WDHD1: variants seen among roughly 807,000 people sequenced by gnomAD.
WDHD1 encodes the protein WD repeat and HMG-box DNA binding protein 1, also known as WD repeat and HMG-box DNA-binding protein 1.
In WDHD1, 111 loss-of-function variants were observed where a neutral mutation model predicts 135.4. That is an observed-to-expected ratio of 0.82 (90% CI 0.70 to 0.96). The LOEUF is 0.96. Ranked by LOEUF, WDHD1 falls within the 40% of genes least tolerant of loss-of-function variation. The probability of loss-of-function intolerance (pLI) is 0.00; values close to 1 mark genes in which losing one functional copy is unlikely to be tolerated. For synonymous variants in WDHD1, 434 were observed against 439.0 expected (o/e 0.99, Z 0.14); for missense variants, 1,351 against 1,336.3 (o/e 1.01, Z -0.17).
intron 2 of WDHD1, among the ~76,000 whole-genome samples, chr14:55,022,460 T>C (rs1178233826): frequency 6.6e-6 from 1 of 152,124 alleles, no homozygotes. Context: ...TAGGGCACTT[T>C]AGTCTACATT....
At chr14:54,998,451 C>T (rs1434308212) in intron 10 of WDHD1, among the ~76,000 whole-genome samples, 2 of 151,948 alleles carry the variant, frequency 1.3e-5, no homozygotes, top group Admixed American at 6.6e-5. Context: ...TCTTAATTCA[C>T]TTTTTGTTTT....
chr14:54,961,984 A>G (rs1032542320), intron 21 of WDHD1, among the ~76,000 whole-genome samples: 1 of 151,938 alleles, frequency 6.6e-6, no homozygotes, highest in Non-Finnish European at 1.5e-5. Context: ...TTACAGGCAC[A>G]TACCACCACC....
At chr14:54,995,386 G>C (rs1316837264) in intron 11 of WDHD1, among the ~76,000 whole-genome samples, 1 of 143,058 alleles carries the variant, frequency 7.0e-6, no homozygotes, top group Non-Finnish European at 1.5e-5. Flanking sequence ...CCTTCCATTT[G>C]CTTGGGGTTT....
In WDHD1 at chr14:54,939,314, C is replaced by T. The variant is rs2040807173; in HGVS notation, c.*2176G>A. On this transcript the variant is annotated 3_prime_UTR_variant, in exon 26 of 26. Transcript: ENST00000360586. Reference sequence around the variant, plus strand: ...GTTCCATGTTAGTGACAGTGACTCACCCCAGGTTGCTGCACAGATATGAGA... The same window carrying T: ...GTTCCATGTTAGTGACAGTGACTCATCCCAGGTTGCTGCACAGATATGAGA... 1 of 152,160 alleles carries T rather than the reference C, an allele frequency of 6.6e-6. No individual in the cohort carries two copies. The highest frequency in any genetic ancestry group is 1.5e-5 in the Non-Finnish European group (1 of 68,042). 9.4% of individuals were successfully genotyped at this position (152,160 alleles called of 1,614,324 possible).
intron 4 of WDHD1, among the ~76,000 whole-genome samples, chr14:55,009,037 C>T (rs142787454): frequency 0.011 from 1,726 of 152,148 alleles, 18 homozygotes; most frequent in Middle Eastern, 0.027. Flanking sequence ...CCTTGTGATC[C>T]GCCCACCTCA....
chr14:54,953,147 CT>C (rs1566707071), intron 24 of WDHD1, among the ~76,000 whole-genome samples: 2 of 152,134 alleles, frequency 1.3e-5, no homozygotes, highest in Non-Finnish European at 2.9e-5. Context: ...AACTAAAGAG[CT>C]TCTGCACAGC....
chr14:54,974,550 C>T (rs1465687121), intron 16 of WDHD1, among the ~76,000 whole-genome samples: 1 of 149,690 alleles, frequency 6.7e-6, no homozygotes, highest in Non-Finnish European at 1.5e-5. Flanking sequence ...AATAATCAGG[C>T]GTGGTGGCTC....
chr14:54,972,585 A>AAAAAAAAAAAAAAAC (rs2041457560), intron 16 of WDHD1, among the ~76,000 whole-genome samples: 1 of 74,108 alleles, frequency 1.3e-5, no homozygotes, highest in Non-Finnish European at 2.4e-5. Flanking sequence ...AAAAAAAAAA[A>AAAAAAAAAAAAAAAC]AAAAATGCCA....
chr14:54,985,049 T>G (rs1198367778), intron 14 of WDHD1, among the ~76,000 whole-genome samples, 189 bp from the exon 15 acceptor site: 1 of 152,204 alleles, frequency 6.6e-6, no homozygotes. Context: ...CATGGACTCT[T>G]CACATAAAGT....
At chr14:55,001,564 C>T (rs1360675059) in intron 8 of WDHD1, among the ~76,000 whole-genome samples, 2 of 152,184 alleles carry the variant, frequency 1.3e-5, no homozygotes, top group African/African-American at 2.4e-5. Flanking sequence ...TGCCCAGCCA[C>T]TGGCACAATT....
At chr14:55,016,942 A>G (rs563365975) in intron 2 of WDHD1, among the ~76,000 whole-genome samples, 4 of 152,334 alleles carry the variant, frequency 2.6e-5, no homozygotes, top group Admixed American at 1.3e-4. Context: ...AGACAGCAAA[A>G]GAACTTTCAA....
chr14:54,947,343 A>C (rs2040944787), intron 24 of WDHD1, among the ~76,000 whole-genome samples: 2 of 152,204 alleles, frequency 1.3e-5, no homozygotes, highest in Middle Eastern at 3.4e-3. Flanking sequence ...AAAAAGTGTT[A>C]AGCGGAAAAA....
intron 23 of WDHD1, among the ~76,000 whole-genome samples, chr14:54,955,895 C>CT (rs71131243): frequency 0.067 from 7,328 of 110,044 alleles, 449 homozygotes; most frequent in South Asian, 0.12. Flanking sequence ...CCATGTTTTC[C>CT]TTTTTTTTTT....
At chr14:55,007,245 A>AGAAAAG in intron 7 of WDHD1, 35 bp downstream of exon 7, 1 of 1,478,978 alleles carries the variant, frequency 6.8e-7, no homozygotes, top group Non-Finnish European at 9.1e-7. Context: ...AAAAAAAAAA[A>AGAAAAG]AAAAGAAAAG....
In WDHD1 at chr14:54,995,793, C is replaced by A; in HGVS notation, c.963G>T (p.Lys321Asn). The A allele has an allele frequency of 6.2e-7, 1 of 1,601,682 alleles. No homozygotes were observed. The highest frequency in any genetic ancestry group is 1.1e-5 in the South Asian group (1 of 89,166). ...SSSKVSSRVE[K>N]DYNDLFDGDD... The stretch of plus-strand genomic sequence containing the variant: ...CTCCATCAAAAAGATCATTATAATC[C>A]TTTTCCACTCTGCTAGATACCTTGA... Residue 321 changes from lysine (K) to asparagine (N), a missense_variant, in exon 11 of 26, where the codon AAG (lysine) becomes AAT (asparagine). Lys to Asn is a moderately conservative substitution (Grantham distance 94). Coordinates refer to ENST00000360586, the MANE Select transcript of WDHD1 (RefSeq NM_007086.4).
At chr14:54,953,905 A>T (rs2041106440) in intron 24 of WDHD1, among the ~76,000 whole-genome samples, 2 of 152,176 alleles carry the variant, frequency 1.3e-5, no homozygotes, top group Admixed American at 1.3e-4. Flanking sequence ...TCTCACTCAT[A>T]GGTGAGAACT....
rs753163628 is a variant in WDHD1, at chr14:54,957,605, A to G, written c.2732T>C (p.Val911Ala). 6.2e-7 allele frequency: 1 copy of G among 1,606,228 alleles called. No homozygotes were observed. The highest frequency in any genetic ancestry group is 8.5e-7 in the Non-Finnish European group (1 of 1,178,016). ...GAVTFSSQGR[V>A]NPFKVSASSK... The stretch of plus-strand genomic sequence containing the variant: ...GGAAGAGTTTACCTTAAAGGGATTT[A>G]CTCGTCCTTGGCTGCTAAAGGTAAC... The change falls in exon 22 of 26, where the codon GTA (valine) becomes GCA (alanine). Residue 911 changes from valine (V) to alanine (A), a missense_variant. By Grantham distance (64) the Val-to-Ala change is moderately conservative. Transcript: ENST00000360586.
Position 54,989,156 on chromosome 14 carries a change from T to C in WDHD1, c.1398A>G (p.Ile466Met). The C allele has an allele frequency of 2.5e-6, 4 of 1,613,764 alleles. No individual in the cohort carries two copies. The South Asian group carries it at 3.3e-5, about 13-fold the overall frequency. The change falls in exon 13 of 26, where the codon ATA becomes ATG. Residue 466 changes from isoleucine (I) to methionine (M), a missense_variant. Physicochemically the swap from Ile to Met is conservative, Grantham distance 10. Transcript: ENST00000360586. Reference protein sequence around the residue: ...RCYNDEQDNAIDVEFHDTSIH... With the variant: ...RCYNDEQDNAMDVEFHDTSIH... The stretch of plus-strand genomic sequence containing the variant: ...TGGAGGTATCATGGAACTCCACATC[T>C]ATGGCATTGTCTTGCTCATCATTAT...
chr14:55,019,396 A>G (rs2042308593), intron 2 of WDHD1, among the ~76,000 whole-genome samples: 1 of 152,214 alleles, frequency 6.6e-6, no homozygotes, highest in African/African-American at 2.4e-5. Context: ...TATTGGCATA[A>G]GGGTGTCAAT....
Sources: allele counts gnomAD v4.1 joint callset (sites outside exome capture counted in the v4.1 genomes callset), GRCh38; gene constraint gnomAD v4.1.1; transcripts MANE v1.5; gene names NCBI Gene and HGNC (gene_info 2026-07-23, HGNC 2026-07-21).